MAGED2: variants seen among roughly 807,000 people sequenced by gnomAD.
MAGED2 encodes MAGE family member D2.
In MAGED2, 6 loss-of-function variants were observed where a neutral mutation model predicts 41.7. The observed-to-expected ratio is 0.14, with a 90% CI of 0.08 to 0.28. The LOEUF is 0.28. MAGED2 is among the 10% of genes least tolerant of loss of function. MAGED2 has a pLI of 1.00. For missense variants in MAGED2, 343 were observed against 486.4 expected, an observed-to-expected ratio of 0.71 and a Z score of 2.77; for synonymous variants, 146 against 178.2, an observed-to-expected ratio of 0.82 and a Z score of 1.44.
chrX:54,810,001 CAG>C lies in MAGED2; in HGVS notation c.327_328del (p.Asn110CysfsTer2). 8.3e-7 allele frequency: 1 copy of C among 1,206,573 alleles called. No homozygotes were observed. Among genetic ancestry groups the C allele is most frequent in the Non-Finnish European group, 1.1e-6 (1 of 892,675 alleles). On this transcript the variant is annotated frameshift_variant, in exon 3 of 13. Coordinates refer to ENST00000375068, the MANE Select transcript of MAGED2 (RefSeq NM_177433.3). LOFTEE classifies it high-confidence loss of function. Reference sequence around the variant, plus strand: ...GAGTCTAGCAGCTGACACCAAGAAACAGAATGCTGACCCGCAGGCTGTGACAA... The same window carrying C: ...GAGTCTAGCAGCTGACACCAAGAAACAATGCTGACCCGCAGGCTGTGACAA... ...NKSLAADTKKQNADPQAVTMP... is the reference protein window; with the variant it reads ...NKSLAADTKKXNADPQAVTMP...
At chrX:54,813,216 A>G in intron 9 of MAGED2, 56 bp downstream of exon 9, 1 of 1,206,825 alleles carries the variant, frequency 8.3e-7, no homozygotes. Flanking sequence ...GCAAGAGAGG[A>G]CGGTCCTAGG....
At chrX:54,815,820 A>G (rs986203063) in intron 12 of MAGED2, 61 bp from the exon 13 acceptor site, 1 of 458,676 alleles carries the variant, frequency 2.2e-6, no homozygotes, top group Non-Finnish European at 3.7e-6. Context: ...TTGGCATTTT[A>G]TTCCTTTCTG....
Position 54,810,973 on chromosome X carries a change from A to G in MAGED2, c.690A>G (p.Ser230=). The G allele has an allele frequency of 8.3e-7, 1 of 1,203,689 alleles. No homozygotes were observed. Among genetic ancestry groups the G allele is most frequent in the Non-Finnish European group, 1.1e-6 (1 of 891,059 alleles). Residue 230 remains serine (S), a synonymous_variant, in exon 4 of 13, where the codon TCA becomes TCG. Coordinates refer to ENST00000375068, the MANE Select transcript of MAGED2 (RefSeq NM_177433.3). The part of the protein sequence containing the change: ...GPIAFWARRA[S]RTRLAAWARR... ...TAGCCTTTTGGGCCCGCAGGGCATC[A>G]AGGACTCGGTTGGCTGCTTGGGCCC...
rs769916661 is a variant in MAGED2, at chrX:54,811,143, C to T, written c.846+14C>T. ...TTGCAAGGGAGGGTAAGAACTCTGT[C>T]GTTTTTATTCTGCCTTTTCTACTGC... is the stretch of plus-strand genomic sequence containing the variant. On this transcript the variant is annotated intron_variant, in intron 4 of 12. Transcript: ENST00000375068. 1.3e-5 allele frequency: 15 copies of T among 1,192,229 alleles called. No homozygotes were observed. Among genetic ancestry groups the T allele is most frequent in the African/African-American group, 7.0e-5 (4 of 56,743 alleles).
chrX:54,813,014 G>A lies in MAGED2; in HGVS notation c.1155G>A (p.Arg385=). The A allele has an allele frequency of 6.6e-6, 8 of 1,211,892 alleles. No individual in the cohort carries two copies. The highest frequency in any genetic ancestry group is 8.9e-6 in the Non-Finnish European group (8 of 895,424). Residue 385 remains arginine, a synonymous_variant, in exon 8 of 13, where the codon CGG becomes CGA. Transcript: ENST00000375068. ...LLSIIFMNGN[R]SSEAVIWEVL... is the part of the protein sequence containing the mutation. ...GCATCATCTTCATGAATGGAAATCG[G>A]TCCAGTGAGGGTGAGTGGCTGGGCT...
intron 3 of MAGED2, 117 bp downstream of exon 3, chrX:54,810,330 G>A: frequency 2.2e-6 from 1 of 450,576 alleles, no homozygotes; most frequent in Non-Finnish European, 3.7e-6. Context: ...GGCACTGAGA[G>A]TAATGTGATG....
At chrX:54,809,506 T>C (rs1177339600) in intron 2 of MAGED2, 130 bp downstream of exon 2, 1 of 884,471 alleles carries the variant, frequency 1.1e-6, no homozygotes, top group Non-Finnish European at 1.6e-6. Context: ...GGTGTCCCCC[T>C]GCCCAGTGGA....
chrX:54,811,416 C>T, intron 5 of MAGED2, 103 bp downstream of exon 5: 2 of 951,252 alleles, frequency 2.1e-6, no homozygotes, highest in African/African-American at 3.8e-5. Context: ...TGTCTCTGTC[C>T]TCCCAAAGTT....
At chrX:54,810,607 C>T (rs757669060) in intron 3 of MAGED2, among the ~76,000 whole-genome samples, 1 of 111,755 alleles carries the variant, frequency 8.9e-6, no homozygotes, top group African/African-American at 3.3e-5. Flanking sequence ...TCAGCCTCCA[C>T]CCACCCTTGG....
chrX:54,810,420 C>T (rs1716442620), intron 3 of MAGED2, among the ~76,000 whole-genome samples: 1 of 112,418 alleles, frequency 8.9e-6, no homozygotes, highest in Non-Finnish European at 1.9e-5. Flanking sequence ...TACATAGTAG[C>T]TGCCCTGTAT....
intron 6 of MAGED2, 112 bp downstream of exon 6, chrX:54,811,765 A>G (rs983626979): frequency 7.3e-6 from 4 of 550,919 alleles, no homozygotes; most frequent in Admixed American, 3.0e-5. Context: ...CTCCATCGCT[A>G]TGCTGAGGGG....
chrX:54,808,585 G>T (rs764688025), intron 1 of MAGED2, among the ~76,000 whole-genome samples: 68 of 111,442 alleles, frequency 6.1e-4, no homozygotes, highest in African/African-American at 2.0e-3. Flanking sequence ...CCGGGCCCAA[G>T]ATGGAATCAC....
Position 54,810,975 on chromosome X carries a change from G to A in MAGED2, c.692G>A (p.Arg231Lys), listed in dbSNP as rs750226910. The A allele has an allele frequency of 3.2e-5, 38 of 1,201,389 alleles. No individual in the cohort carries two copies. The highest frequency in any genetic ancestry group is 4.2e-5 in the Non-Finnish European group (37 of 890,346). Residue 231 changes from arginine to lysine, a missense_variant, in exon 4 of 13, where the codon AGG becomes AAG. By Grantham distance (26) the Arg-to-Lys change is conservative. Around this residue, in one of 3 missense-constraint regions of MAGED2, gnomAD observed 195 missense variants for 221.2 expected, o/e 0.88. Transcript: ENST00000375068. ...PIAFWARRAS[R>K]TRLAAWARRA... ...GCCTTTTGGGCCCGCAGGGCATCAA[G>A]GACTCGGTTGGCTGCTTGGGCCCGG... is the stretch of plus-strand genomic sequence containing the variant.
intron 2 of MAGED2, 32 bp from the exon 3 acceptor site, chrX:54,809,690 A>G (rs374251157): frequency 1.7e-6 from 2 of 1,177,951 alleles, no homozygotes; most frequent in African/African-American, 3.6e-5. Flanking sequence ...GGTGAGGAGA[A>G]GGTCTATGAA....
intron 1 of MAGED2, chrX:54,808,494 G>C: frequency 8.8e-6 from 1 of 113,349 alleles, no homozygotes; most frequent in East Asian, 2.8e-4. Context: ...CACCCTCTGG[G>C]ATCTGGAGAA....
Position 54,812,004 on chromosome X carries a change from G to A in MAGED2, c.991-153G>A, listed in dbSNP as rs2071934. ...ATGATGACAATAGTACATTTGCAGC[G>A]TGTTTACCGGGTGCCAGGCACTTAG... On this transcript the variant is annotated intron_variant, in intron 6 of 12. Coordinates refer to ENST00000375068, the MANE Select transcript of MAGED2 (RefSeq NM_177433.3). Among the ~76,000 whole-genome samples, 40,898 of 110,707 alleles carry A rather than the reference G, an allele frequency of 0.37. 5,504 individuals carry two copies. Among genetic ancestry groups the A allele is most frequent in the East Asian group, 0.62 (2,133 of 3,450 alleles).
Position 54,812,205 on chromosome X carries a change from A to C in MAGED2, c.1039A>C (p.Ile347Leu). 8.3e-7 allele frequency: 1 copy of C among 1,205,183 alleles called. No homozygotes were observed. The change falls in exon 7 of 13, where the codon ATT becomes CTT. Residue 347 changes from isoleucine (I) to leucine (L), a missense_variant. Transcript: ENST00000375068. The stretch of plus-strand genomic sequence containing the variant: ...AATTGATAAGAATGACCACTTGTAC[A>C]TTCTTCTCAGCACCTTAGAGCCCAC... Reference protein sequence around the residue: ...KEIDKNDHLYILLSTLEPTDA... With the variant: ...KEIDKNDHLYLLLSTLEPTDA...
Position 54,809,597 on chromosome X carries a change from T to A in MAGED2, c.46-125T>A, listed in dbSNP as rs1329260008. On this transcript the variant is annotated intron_variant, in intron 2 of 12. Transcript: ENST00000375068. Reference sequence around the variant, plus strand: ...AAAGGGAGGCCTTGTTGGGCTGAGGTGGTCAGAGCACACCGCAGGTAGGAG... The same window carrying A: ...AAAGGGAGGCCTTGTTGGGCTGAGGAGGTCAGAGCACACCGCAGGTAGGAG... The A allele has an allele frequency of 7.4e-6, 8 of 1,079,030 alleles. No individual in the cohort carries two copies. The Admixed American group carries it at 2.5e-4, about 34-fold the overall frequency. The allele number at this position is 1,079,030 out of a possible 1,213,427, so 88.9% of individuals were successfully genotyped here.
rs757943408 is a variant in MAGED2, at chrX:54,814,697, C to A, written c.1308C>A (p.Pro436=). The change falls in exon 11 of 13, where the codon CCC becomes CCA. Residue 436 remains proline, a synonymous_variant. Coordinates refer to ENST00000375068, the MANE Select transcript of MAGED2 (RefSeq NM_177433.3). ...LDYARVPNSN[P]PEYEFFWGLR... ...ATGCCAGAGTCCCCAATAGCAATCC[C>A]CCTGAATATGAGTTCTTCTGGGGCC... The A allele has an allele frequency of 1.7e-5, 20 of 1,208,680 alleles. No homozygotes were observed. Among genetic ancestry groups the A allele is most frequent in the Non-Finnish European group, 2.0e-5 (18 of 893,893 alleles).
Sources: allele counts gnomAD v4.1 joint callset (sites outside exome capture counted in the v4.1 genomes callset), GRCh38; gene constraint gnomAD v4.1.1; regional missense constraint gnomAD v4.1.1; transcripts MANE v1.5; gene names NCBI Gene and HGNC (gene_info 2026-07-23, HGNC 2026-07-21).